Variants in PHACTR2 observed in about 807,000 individuals in gnomAD.
PHACTR2 encodes phosphatase and actin regulator 2.
A neutral mutation model predicts 76.0 loss-of-function variants in PHACTR2; 30 were observed. That is an observed-to-expected ratio of 0.39 (90% CI 0.30 to 0.54). The LOEUF is 0.54. PHACTR2 is among the 20% of genes least tolerant of loss of function. The pLI is 0.61. For synonymous variants in PHACTR2, 292 were observed against 292.5 expected (o/e 1.00, Z 0.02); for missense variants, 696 against 781.1 (o/e 0.89, Z 1.30).
Position 143,755,247 on chromosome 6 carries a change from A to G in PHACTR2, c.454+1335A>G. 2.2e-6 allele frequency: 1 copy of G among 455,450 alleles called. No homozygotes were observed. The highest frequency in any genetic ancestry group is 2.4e-5 in the Admixed American group (1 of 42,482). The allele number at this position is 455,450 out of a possible 1,614,324, so 28.2% of individuals were successfully genotyped here. On this transcript the variant is annotated intron_variant, in intron 4 of 12. Transcript: ENST00000440869. The surrounding 1 kb of genome is among the most constrained non-coding windows in gnomAD (Gnocchi z 5.2). ...ATAAATTTTAGTGGGATTCAGTTGA[A>G]AGTATTAACGCAAGTAGTGATGTTT...
At position 143,816,543 on chromosome 6, in the gene PHACTR2, T is replaced by C. The variant is rs1296839510; in HGVS notation, c.1923-7131T>C. On this transcript the variant is annotated intron_variant, in intron 12 of 12. Transcript: ENST00000440869. This position sits in a 1 kb window ranked among gnomAD's most constrained non-coding sequence, Gnocchi z 4.5. The stretch of plus-strand genomic sequence containing the variant: ...TCTGACCTCTGGCTTTGTGAGCATA[T>C]TATTGCACGCACGGTATCAATTGGT... Among the ~76,000 whole-genome samples the C allele has an allele frequency of 1.3e-5, 2 of 152,176 alleles. No individual in the cohort carries two copies. Among genetic ancestry groups the C allele is most frequent in the Non-Finnish European group, 2.9e-5 (2 of 68,040 alleles).
In PHACTR2 at chr6:143,539,963, C is replaced by T. The variant is rs1382942577; in HGVS notation, c.217+2756C>T. 6.6e-6 allele frequency among the ~76,000 whole-genome samples: 1 copy of T among 152,176 alleles called. No homozygotes were observed. The highest frequency in any genetic ancestry group is 2.4e-5 in the African/African-American group (1 of 41,432). On this transcript the variant is annotated intron_variant, in intron 1 of 11. Coordinates refer to the PHACTR2 transcript ENST00000367584. The surrounding 1 kb of genome is among the most constrained non-coding windows in gnomAD (Gnocchi z 4.3). ...CAGGTGCATCCTGGCCATTAGATGA[C>T]GCTAATGAGTAGCGAAGTTTGAGAA... is the stretch of plus-strand genomic sequence containing the variant.
rs182333355 is a variant in PHACTR2, at chr6:143,631,148, A to G, written c.13+22826A>G. 1.1e-3 allele frequency among the ~76,000 whole-genome samples: 163 copies of G among 152,274 alleles called. 1 individual carries two copies. Among genetic ancestry groups the G allele is most frequent in the African/African-American group, 3.7e-3 (152 of 41,552 alleles). On this transcript the variant is annotated intron_variant, in intron 1 of 11. Coordinates refer to the PHACTR2 transcript ENST00000305766. ...ATGCCATATGTTACATCATTTCAAG[A>G]AGATTTAACCTTCTAGTAGAAAGCA... is the stretch of plus-strand genomic sequence containing the variant.
chr6:143,699,976 G>A (rs1777867150), intron 1 of PHACTR2, among the ~76,000 whole-genome samples: 2 of 152,138 alleles, frequency 1.3e-5, no homozygotes, highest in Admixed American at 1.3e-4. Flanking sequence ...CAGGTTTCAT[G>A]TCTGCCTTGG....
At chr6:143,576,581 A>T (rs1775515727) in intron 1 of PHACTR2, among the ~76,000 whole-genome samples, 1 of 152,208 alleles carries the variant, frequency 6.6e-6, no homozygotes, top group Admixed American at 6.5e-5. Context: ...TAACTTAAAA[A>T]TTGTTTGAAG....
At chr6:143,649,053 C>T (rs1162936363) in intron 1 of PHACTR2, among the ~76,000 whole-genome samples, 2 of 152,022 alleles carry the variant, frequency 1.3e-5, no homozygotes, top group Non-Finnish European at 2.9e-5. Context: ...TCTGCATACA[C>T]TCAAAATGCT....
At chr6:143,763,926 T>G (rs539583482) in intron 5 of PHACTR2, among the ~76,000 whole-genome samples, 83 of 152,302 alleles carry the variant, frequency 5.4e-4, no homozygotes, top group Middle Eastern at 3.4e-3. Context: ...CATAACAACA[T>G]TATAACAGAA....
In PHACTR2 at chr6:143,780,612, T is replaced by C. The variant is rs938597464; in HGVS notation, c.1646-2607T>C. On this transcript the variant is annotated intron_variant, in intron 9 of 12. Coordinates refer to ENST00000440869, the MANE Select transcript of PHACTR2 (RefSeq NM_001100164.2). This position sits in a 1 kb window ranked among gnomAD's most constrained non-coding sequence, Gnocchi z 4.4. ...ATTTTTATACTTTTCTTTCTTCTTT[T>C]AGCTCATCCACAAAATTCTCTGGGT... 3.9e-5 allele frequency among the ~76,000 whole-genome samples: 6 copies of C among 152,252 alleles called. No homozygotes were observed. Among genetic ancestry groups the C allele is most frequent in the Non-Finnish European group, 7.3e-5 (5 of 68,042 alleles).
chr6:143,681,964 T>A (rs768621856), intron 1 of PHACTR2, among the ~76,000 whole-genome samples: 5 of 152,238 alleles, frequency 3.3e-5, no homozygotes, highest in Non-Finnish European at 7.3e-5. Context: ...AATGTCTAGA[T>A]TACTGTAGCT....
chr6:143,606,851 TTGAAA>T (rs1326525059), upstream of PHACTR2, among the ~76,000 whole-genome samples: 1 of 152,222 alleles, frequency 6.6e-6, no homozygotes, highest in Non-Finnish European at 1.5e-5. Context: ...TGTGACAGAA[TTGAAA>T]TGACAGGGTT....
At chr6:143,651,094 C>G (rs1029022784) in intron 1 of PHACTR2, among the ~76,000 whole-genome samples, 1 of 152,030 alleles carries the variant, frequency 6.6e-6, no homozygotes, top group African/African-American at 2.4e-5. Flanking sequence ...AAAAAAAGCT[C>G]AACATCACTG....
At chr6:143,771,894 C>T (rs1214416637) in intron 6 of PHACTR2, among the ~76,000 whole-genome samples, 2 of 152,082 alleles carry the variant, frequency 1.3e-5, no homozygotes, top group Non-Finnish European at 2.9e-5. Flanking sequence ...CTAGCGGGAT[C>T]GTCTTCAGGT....
At chr6:143,736,963 G>A (rs1232900286) in intron 2 of PHACTR2, among the ~76,000 whole-genome samples, 1 of 151,840 alleles carries the variant, frequency 6.6e-6, no homozygotes, top group Non-Finnish European at 1.5e-5. Context: ...CAGAGAAGTT[G>A]GGGAGTTTGC....
rs1776600045 is a variant in PHACTR2, at chr6:143,828,866, A to C, written c.*5177A>C. On this transcript the variant is annotated 3_prime_UTR_variant, in exon 13 of 13. Transcript: ENST00000440869. The surrounding 1 kb of genome is among the most constrained non-coding windows in gnomAD (Gnocchi z 4.7). Reference sequence around the variant, plus strand: ...GTCATTGTAAACACCAAGAATAAAAAGCATTCCCCCAGGTTCAAATGCCCT... The same window carrying C: ...GTCATTGTAAACACCAAGAATAAAACGCATTCCCCCAGGTTCAAATGCCCT... 1 of 152,210 alleles carries C rather than the reference A, an allele frequency of 6.6e-6. No homozygotes were observed. The highest frequency in any genetic ancestry group is 1.5e-5 in the Non-Finnish European group (1 of 68,052). The allele number at this position is 152,210 out of a possible 1,614,324, so 9.4% of individuals were successfully genotyped here.
intron 2 of PHACTR2, among the ~76,000 whole-genome samples, chr6:143,718,033 T>C (rs372099666): frequency 3.9e-5 from 6 of 152,300 alleles, no homozygotes; most frequent in African/African-American, 1.4e-4. Flanking sequence ...TATTTAAAAG[T>C]AAGTTATACT....
Position 143,801,635 on chromosome 6 carries a change from G to A in PHACTR2, c.1846-5422G>A, listed in dbSNP as rs76121018. Among the ~76,000 whole-genome samples the A allele has an allele frequency of 9.7e-3, 1,475 of 152,160 alleles. 22 individuals are homozygous for A. The highest frequency in any genetic ancestry group is 0.034 in the African/African-American group (1,395 of 41,492). Reference sequence around the variant, plus strand: ...CAACGTTTTTAGCTTCCTTGAAATGGATTAGATCATGCTCCTTTAGCTCGG... The same window carrying A: ...CAACGTTTTTAGCTTCCTTGAAATGAATTAGATCATGCTCCTTTAGCTCGG... On this transcript the variant is annotated intron_variant, in intron 11 of 12. Transcript: ENST00000440869. The surrounding 1 kb of genome is among the most constrained non-coding windows in gnomAD (Gnocchi z 4.6).
chr6:143,636,097 C>T (rs960485573), intron 1 of PHACTR2, among the ~76,000 whole-genome samples: 2 of 135,630 alleles, frequency 1.5e-5, no homozygotes, highest in East Asian at 4.1e-4. Flanking sequence ...CACCTGTAGT[C>T]CCAGCTAGTC....
At position 143,652,292 on chromosome 6, in the gene PHACTR2, G is replaced by C. The variant is rs1394498888; in HGVS notation, c.13+43970G>C. ...TGAGTGTTGTTTTGGTTTTTGTTTA[G>C]TGATTAAGTGTACAATCCCCAATAA... On this transcript the variant is annotated intron_variant, in intron 1 of 11. Transcript: ENST00000305766. This position sits in a 1 kb window ranked among gnomAD's most constrained non-coding sequence, Gnocchi z 4.5. Among the ~76,000 whole-genome samples the C allele has an allele frequency of 6.6e-6, 1 of 152,136 alleles. No individual in the cohort carries two copies. Among genetic ancestry groups the C allele is most frequent in the South Asian group, 2.1e-4 (1 of 4,828 alleles).
At position 143,772,754 on chromosome 6, in the gene PHACTR2, C is replaced by A. The variant is rs1266863744; in HGVS notation, c.1432+297C>A. On this transcript the variant is annotated intron_variant, in intron 7 of 12. Coordinates refer to ENST00000440869, the MANE Select transcript of PHACTR2 (RefSeq NM_001100164.2). This position sits in a 1 kb window ranked among gnomAD's most constrained non-coding sequence, Gnocchi z 5.4. ...AATCAAAGCTTTCTAATAACAGAGACCTTTCTCACTATGACCAAAGAGAGC... is the reference window on the plus strand; with the variant it reads ...AATCAAAGCTTTCTAATAACAGAGAACTTTCTCACTATGACCAAAGAGAGC... Among the ~76,000 whole-genome samples the A allele has an allele frequency of 6.6e-6, 1 of 152,166 alleles. No individual in the cohort carries two copies. The highest frequency in any genetic ancestry group is 2.4e-5 in the African/African-American group (1 of 41,418).
Sources: allele counts gnomAD v4.1 joint callset (sites outside exome capture counted in the v4.1 genomes callset), GRCh38; gene constraint gnomAD v4.1.1; non-coding constraint Gnocchi (gnomAD v3.1); transcripts MANE v1.5; gene names NCBI Gene and HGNC (gene_info 2026-07-23, HGNC 2026-07-21).